Variants in INO80 observed in about 807,000 individuals in gnomAD.
INO80 encodes chromatin-remodeling ATPase INO80.
A neutral mutation model predicts 203.4 loss-of-function variants in INO80; 20 were observed. That is an observed-to-expected ratio of 0.10 (90% CI 0.07 to 0.14). INO80 has a LOEUF of 0.14. Among genes scored for constraint, INO80 ranks in the 10% least tolerant of loss-of-function variants. The probability of loss-of-function intolerance (pLI) is 1.00; values close to 1 mark genes in which losing one functional copy is unlikely to be tolerated. For missense variants in INO80, 1,419 were observed against 1,914.4 expected (o/e 0.74, Z 4.83); for synonymous variants, 726 against 685.2 (o/e 1.06, Z -0.93).
intron 27 of INO80, among the ~76,000 whole-genome samples, chr15:41,009,785 G>C (rs2044106653): frequency 6.6e-6 from 1 of 151,960 alleles, no homozygotes; most frequent in Non-Finnish European, 1.5e-5. Flanking sequence ...TTTTTATAGA[G>C]ATGGGGGTCT....
chr15:40,994,419 A>G (rs1327483606), intron 29 of INO80, among the ~76,000 whole-genome samples: 1 of 152,206 alleles, frequency 6.6e-6, no homozygotes, highest in East Asian at 1.9e-4. Context: ...GCTGGAGTAC[A>G]GTGGCACGAT....
intron 24 of INO80, among the ~76,000 whole-genome samples, chr15:41,028,854 CA>C (rs879774050): frequency 3.1e-4 from 44 of 141,956 alleles, no homozygotes; most frequent in Admixed American, 1.1e-3. Flanking sequence ...AATTCCGTCC[CA>C]AAAAAAAAAA....
At chr15:41,036,626 T>C (rs2140501442) in intron 24 of INO80, among the ~76,000 whole-genome samples, 1 of 152,284 alleles carries the variant, frequency 6.6e-6, no homozygotes, top group East Asian at 1.9e-4. Flanking sequence ...TTCCAAAGAT[T>C]AGTACCAATC....
At chr15:41,053,539 T>G (rs2044923528) in intron 19 of INO80, among the ~76,000 whole-genome samples, 1 of 152,212 alleles carries the variant, frequency 6.6e-6, no homozygotes, top group African/African-American at 2.4e-5. Context: ...GGTTAGGCAG[T>G]GTTTAAAAAA....
At position 41,067,201 on chromosome 15, in the gene INO80, C is replaced by T. The variant is rs960638179; in HGVS notation, c.1782+2369G>A. 5.3e-5 allele frequency among the ~76,000 whole-genome samples: 8 copies of T among 151,990 alleles called. No homozygotes were observed. In the East Asian group the frequency reaches 5.8e-4, roughly 11 times the overall value. On this transcript the variant is annotated intron_variant, in intron 14 of 35. Transcript: ENST00000648947. The stretch of plus-strand genomic sequence containing the variant: ...AAGCAATTTTCCTGCCTCAGCCTCC[C>T]GAGTAGCTGGGATTACAGGCGCCCG...
chr15:41,025,489 A>C (rs988478520), intron 25 of INO80, among the ~76,000 whole-genome samples: 12 of 152,006 alleles, frequency 7.9e-5, no homozygotes, highest in African/African-American at 2.9e-4. Context: ...CTTAGGCAGG[A>C]GGATCACATG....
rs1893700835 is a variant in INO80 at position 40,978,919 on chromosome 15, T to C, written c.*1304A>G. On this transcript the variant is annotated 3_prime_UTR_variant, in exon 36 of 36. Transcript: ENST00000648947. ...TCTCACTCCATTTTATTTAAGATTT[T>C]TTTATCCAGTTAGTAAAAGGAAGAT... is the stretch of plus-strand genomic sequence containing the variant. The C allele has an allele frequency of 6.6e-6, 1 of 152,636 alleles. No individual in the cohort carries two copies. Among genetic ancestry groups the C allele is most frequent in the Admixed American group, 6.5e-5 (1 of 15,284 alleles). The allele number at this position is 152,636 out of a possible 1,614,324, so 9.5% of individuals were successfully genotyped here.
chr15:41,076,161 G>A (rs765892631), intron 9 of INO80, among the ~76,000 whole-genome samples: 3 of 152,076 alleles, frequency 2.0e-5, no homozygotes, highest in Non-Finnish European at 4.4e-5. Flanking sequence ...AGGAGTTCGA[G>A]ATCAGCCTGG....
chr15:40,990,555 G>A (rs922899787), intron 29 of INO80, among the ~76,000 whole-genome samples: 2 of 152,136 alleles, frequency 1.3e-5, no homozygotes, highest in Non-Finnish European at 2.9e-5. Flanking sequence ...TTTAGCACAG[G>A]TTAGAATCCT....
chr15:41,024,043 G>C (rs2044339237), intron 25 of INO80, among the ~76,000 whole-genome samples: 1 of 152,020 alleles, frequency 6.6e-6, no homozygotes, highest in South Asian at 2.1e-4. Context: ...TTCATTTCTA[G>C]GCACTCTTAT....
intron 27 of INO80, among the ~76,000 whole-genome samples, chr15:41,009,090 C>T (rs2044094604): frequency 6.6e-6 from 1 of 152,186 alleles, no homozygotes; most frequent in Non-Finnish European, 1.5e-5. Context: ...CCTTGGCTTC[C>T]CAAAGTGCTG....
intron 6 of INO80, 45 bp from the exon 7 acceptor site, chr15:41,085,628 A>ACCC (rs1454287788): frequency 1.3e-5 from 20 of 1,497,812 alleles, no homozygotes; most frequent in Non-Finnish European, 1.9e-5. Flanking sequence ...CACAGGAGAT[A>ACCC]GTCACAAAGC....
At chr15:41,004,002 A>T (rs2044001840) in intron 28 of INO80, among the ~76,000 whole-genome samples, 1 of 152,254 alleles carries the variant, frequency 6.6e-6, no homozygotes, top group Non-Finnish European at 1.5e-5. Flanking sequence ...TAAAATATGT[A>T]TCACTGATTT....
chr15:41,066,600 G>A (rs2045221147), intron 14 of INO80, among the ~76,000 whole-genome samples: 1 of 151,720 alleles, frequency 6.6e-6, no homozygotes, highest in Non-Finnish European at 1.5e-5. Context: ...AGGCCAAGGT[G>A]GGATGATTGT....
intron 13 of INO80, 137 bp from the exon 14 acceptor site, chr15:41,069,802 C>T (rs1302590468): frequency 1.7e-6 from 1 of 599,102 alleles, no homozygotes; most frequent in South Asian, 2.1e-5. Flanking sequence ...CAAATCTGCA[C>T]ATTCAATAGT....
intron 14 of INO80, among the ~76,000 whole-genome samples, chr15:41,066,693 G>A (rs1451668187): frequency 2.6e-5 from 4 of 151,888 alleles, no homozygotes; most frequent in Non-Finnish European, 5.9e-5. Context: ...AGCAGGGTGT[G>A]GCGCTGCATG....
intron 27 of INO80, 144 bp downstream of exon 27, chr15:41,015,944 C>CA (rs200056630): frequency 0.083 from 38,610 of 463,144 alleles, no homozygotes; most frequent in Middle Eastern, 0.098. Flanking sequence ...GACTCTGTCT[C>CA]AAAAAAAAAA....
chr15:41,044,749 TA>T (rs2044724616), intron 24 of INO80, among the ~76,000 whole-genome samples, 154 bp downstream of exon 24: 1 of 152,244 alleles, frequency 6.6e-6, no homozygotes, highest in Non-Finnish European at 1.5e-5. Context: ...ATACAAAGTG[TA>T]AATTAAGTTA....
chr15:41,085,742 A>G (rs965069701), intron 6 of INO80, among the ~76,000 whole-genome samples, 159 bp from the exon 7 acceptor site: 3 of 152,240 alleles, frequency 2.0e-5, no homozygotes, highest in Admixed American at 2.0e-4. Flanking sequence ...CTTGAGGAAG[A>G]AAAGTAACAG....
Sources: gnomAD v4.1 joint callset for allele counts (sites outside exome capture counted in the v4.1 genomes callset) on GRCh38, gnomAD v4.1.1 for gene constraint, MANE v1.5 for transcripts, NCBI Gene and HGNC (gene_info 2026-07-23, HGNC 2026-07-21) for gene names.